The following TRPM3 variants were observed in gnomAD, a reference collection of about 807,000 sequenced individuals.
TRPM3 encodes the protein transient receptor potential cation channel subfamily M member 3, also known as long transient receptor potential channel 3.
TRPM3 carries 77 observed loss-of-function variants against 181.2 expected under a neutral mutation model. The ratio of observed to expected loss-of-function variants is 0.42; its 90% CI spans 0.35 to 0.51. The LOEUF (loss-of-function observed/expected upper bound fraction) is 0.51. Ranked by LOEUF, TRPM3 falls within the 20% of genes least tolerant of loss-of-function variation. The pLI, the probability that TRPM3 is intolerant of heterozygous loss-of-function variation, is 0.01. For synonymous variants in TRPM3, 745 were observed against 796.4 expected, an observed-to-expected ratio of 0.94 and a Z score of 1.09; for missense variants, 1,759 against 2,196.7, an observed-to-expected ratio of 0.80 and a Z score of 3.98.
At chr9:71,091,943 C>G (rs1354878704) in intron 1 of TRPM3, among the ~76,000 whole-genome samples, 1 of 151,996 alleles carries the variant, frequency 6.6e-6, no homozygotes, top group Non-Finnish European at 1.5e-5. Flanking sequence ...TCTAGCTATC[C>G]AAGCACAAGC....
At chr9:71,396,037 G>A (rs142329538) in intron 1 of TRPM3, among the ~76,000 whole-genome samples, 325 of 151,504 alleles carry the variant, frequency 2.1e-3, no homozygotes, top group African/African-American at 6.0e-3. Flanking sequence ...ATGAGAGAAC[G>A]GCTTTGAAGG....
intron 1 of TRPM3, among the ~76,000 whole-genome samples, chr9:70,967,235 T>G (rs928098383): frequency 3.3e-5 from 5 of 152,022 alleles, no homozygotes; most frequent in African/African-American, 1.2e-4. Context: ...AAAGTCCCAG[T>G]TCCTTGGGGA....
chr9:70,640,419 G>T, intron 10 of TRPM3, 141 bp downstream of exon 10: 1 of 593,778 alleles, frequency 1.7e-6, no homozygotes, highest in Admixed American at 3.0e-5. Context: ...AGGGAGCTCA[G>T]GATACAGACT....
At chr9:71,066,184 A>C (rs1213542051) in intron 1 of TRPM3, among the ~76,000 whole-genome samples, 1 of 152,214 alleles carries the variant, frequency 6.6e-6, no homozygotes, top group African/African-American at 2.4e-5. Context: ...ACAGTTATAA[A>C]TTCTATCTTC....
intron 22 of TRPM3, among the ~76,000 whole-genome samples, chr9:70,570,118 C>T (rs1192290695): frequency 6.6e-6 from 1 of 151,888 alleles, no homozygotes; most frequent in Non-Finnish European, 1.5e-5. Flanking sequence ...TTTTGGGACT[C>T]TGTATTTGTG....
chr9:71,009,717 G>C (rs1342261713), intron 1 of TRPM3, among the ~76,000 whole-genome samples: 2 of 151,640 alleles, frequency 1.3e-5, no homozygotes, highest in African/African-American at 4.8e-5. Flanking sequence ...ATTCTTCACA[G>C]AAATAGAAAA....
intron 1 of TRPM3, among the ~76,000 whole-genome samples, chr9:71,205,706 GAAGT>G (rs2079082436): frequency 6.6e-6 from 1 of 152,298 alleles, no homozygotes; most frequent in African/African-American, 2.4e-5. Flanking sequence ...ATCAGCTCAA[GAAGT>G]AATTACTCAT....
At chr9:71,136,659 C>A (rs1265352068) in intron 1 of TRPM3, among the ~76,000 whole-genome samples, 1 of 152,106 alleles carries the variant, frequency 6.6e-6, no homozygotes, top group Non-Finnish European at 1.5e-5. Flanking sequence ...TAATCCCGGT[C>A]CAGACAGAGA....
At chr9:71,259,011 A>G (rs1263489843) in intron 1 of TRPM3, among the ~76,000 whole-genome samples, 2 of 152,124 alleles carry the variant, frequency 1.3e-5, no homozygotes, top group Admixed American at 6.5e-5. Flanking sequence ...CGTCATCTAC[A>G]TTAGGTATTT....
intron 1 of TRPM3, among the ~76,000 whole-genome samples, chr9:71,292,157 C>A (rs577219368): frequency 1.3e-5 from 2 of 151,878 alleles, no homozygotes; most frequent in African/African-American, 4.8e-5. Flanking sequence ...GAAAACCTGG[C>A]GAATGCTGAT....
intron 1 of TRPM3, among the ~76,000 whole-genome samples, chr9:71,410,597 G>A (rs2093528317): frequency 6.6e-6 from 1 of 152,130 alleles, no homozygotes. Flanking sequence ...AACAGGCTCT[G>A]AAATTCAGAC....
chr9:70,700,369 C>G (rs2072079311), intron 8 of TRPM3, among the ~76,000 whole-genome samples: 5 of 152,056 alleles, frequency 3.3e-5, no homozygotes, highest in African/African-American at 1.2e-4. Context: ...CTTTTTGACT[C>G]AAAGGTTGAG....
At chr9:70,645,926 G>C (rs28810122) in intron 9 of TRPM3, among the ~76,000 whole-genome samples, 34,848 of 151,970 alleles carry the variant, frequency 0.23, 5,532 homozygotes, top group African/African-American at 0.45. Context: ...AGGATATGAA[G>C]AGACACTTCT....
chr9:71,039,805 C>T (rs1239276903), intron 1 of TRPM3, among the ~76,000 whole-genome samples: 1 of 151,884 alleles, frequency 6.6e-6, no homozygotes, highest in Non-Finnish European at 1.5e-5. Flanking sequence ...ATCATTATAC[C>T]CTGTATCATT....
intron 1 of TRPM3, among the ~76,000 whole-genome samples, chr9:71,087,648 G>C (rs956340681): frequency 2.0e-5 from 3 of 151,994 alleles, no homozygotes; most frequent in Admixed American, 2.0e-4. Context: ...TTAATGTAAA[G>C]TGTACTTGGC....
intron 1 of TRPM3, among the ~76,000 whole-genome samples, chr9:71,092,215 T>G (rs1250155877): frequency 2.0e-5 from 3 of 152,126 alleles, no homozygotes; most frequent in Non-Finnish European, 4.4e-5. Flanking sequence ...GCAGAGGTGT[T>G]GATGGCTGTA....
rs368748446 is a variant in TRPM3 at position 71,421,233 on chromosome 9, G to GT, written c.183+25419dup. Among the ~76,000 whole-genome samples the GT allele has an allele frequency of 5.9e-3, 891 of 151,832 alleles. 12 individuals are homozygous for GT. The highest frequency in any genetic ancestry group is 0.021 in the African/African-American group (856 of 41,428). On this transcript the variant is annotated intron_variant, in intron 1 of 24. Transcript: ENST00000357533. ...CTAGAGGTGGGAAGGAAGGAAGGGGGTGTGGGTTTAAAAACTATGGGTGCT... is the reference window on the plus strand; with the variant it reads ...CTAGAGGTGGGAAGGAAGGAAGGGGGTTGTGGGTTTAAAAACTATGGGTGCT...
chr9:70,599,508 C>T (rs919322819), intron 20 of TRPM3, among the ~76,000 whole-genome samples: 4 of 152,134 alleles, frequency 2.6e-5, no homozygotes, highest in Middle Eastern at 3.2e-3. Context: ...TCCTTATGGT[C>T]GCCTCATTTC....
chr9:71,280,226 C>T (rs1314557623), intron 1 of TRPM3, among the ~76,000 whole-genome samples: 2 of 152,132 alleles, frequency 1.3e-5, no homozygotes, highest in Non-Finnish European at 2.9e-5. Flanking sequence ...AACTCAGGCA[C>T]GTGAATGCCA....
Sources: allele counts gnomAD v4.1 joint callset (sites outside exome capture counted in the v4.1 genomes callset), GRCh38; gene constraint gnomAD v4.1.1; transcripts MANE v1.5; gene names NCBI Gene and HGNC (gene_info 2026-07-23, HGNC 2026-07-21).